CCDC3: variants seen among roughly 807,000 people sequenced by gnomAD.
CCDC3 encodes the protein coiled-coil domain-containing protein 3.
CCDC3 carries 24 observed loss-of-function variants against 21.4 expected under a neutral mutation model. That is an observed-to-expected ratio of 1.12 (90% CI 0.81 to 1.58). The LOEUF is 1.58. Ranked by LOEUF, CCDC3 falls within the 40% of genes most tolerant of loss-of-function variation. The pLI is 0.00. For synonymous variants in CCDC3, 186 were observed against 166.0 expected (o/e 1.12, Z -0.93); for missense variants, 425 against 360.9 (o/e 1.18, Z -1.44).
At chr10:13,036,791 T>C (rs960508582) in intron 5 of CCDC3, among the ~76,000 whole-genome samples, 3 of 145,310 alleles carry the variant, frequency 2.1e-5, no homozygotes, top group Non-Finnish European at 4.6e-5. Flanking sequence ...GGCTCTTATG[T>C]ACATTTTTTT....
intron 3 of CCDC3, among the ~76,000 whole-genome samples, chr10:13,076,671 T>C (rs185355569): frequency 4.7e-4 from 72 of 152,354 alleles, no homozygotes; most frequent in Admixed American, 4.1e-3. Context: ...AACCAAGATA[T>C]CTGTGCTGGA....
chr10:12,978,302 C>T lies in CCDC3; in HGVS notation c.549+20036G>A, dbSNP rs909635764. On this transcript the variant is annotated intron_variant, in intron 2 of 2. Coordinates refer to ENST00000378825, the MANE Select transcript of CCDC3 (RefSeq NM_031455.4). The stretch of plus-strand genomic sequence containing the variant: ...CCAAAGTGCTGGGACTACAGGCATG[C>T]GCCACCGCACCTGGCCATATTTTCC... 2.4e-4 allele frequency among the ~76,000 whole-genome samples: 37 copies of T among 152,066 alleles called. 1 individual carries two copies. Among genetic ancestry groups the T allele is most frequent in the South Asian group, 2.1e-4 (1 of 4,820 alleles).
intron 2 of CCDC3, among the ~76,000 whole-genome samples, chr10:12,977,676 C>T (rs1835436994): frequency 6.6e-6 from 1 of 152,188 alleles, no homozygotes; most frequent in Admixed American, 6.5e-5. Flanking sequence ...CTCACAGGAC[C>T]TTTCCAACAG....
chr10:13,069,072 A>G (rs866303310), intron 4 of CCDC3, among the ~76,000 whole-genome samples: 2 of 152,266 alleles, frequency 1.3e-5, no homozygotes, highest in South Asian at 4.1e-4. Flanking sequence ...CCTGACCAAC[A>G]TGGAGAAACT....
chr10:13,050,395 G>A (rs565077610), intron 4 of CCDC3, among the ~76,000 whole-genome samples: 5 of 152,038 alleles, frequency 3.3e-5, no homozygotes, highest in South Asian at 4.2e-4. Flanking sequence ...CTGAGGCCAT[G>A]GGCCAGGGCT....
intron 2 of CCDC3, among the ~76,000 whole-genome samples, chr10:12,983,668 C>CAA (rs34200519): frequency 1.7e-4 from 23 of 134,940 alleles, no homozygotes; most frequent in African/African-American, 2.7e-4. Flanking sequence ...AAAGAAGTGG[C>CAA]AAAAAAAAAA....
chr10:13,050,275 G>C (rs545105681), intron 4 of CCDC3, among the ~76,000 whole-genome samples: 1 of 152,076 alleles, frequency 6.6e-6, no homozygotes, highest in African/African-American at 2.4e-5. Flanking sequence ...GCACAAGGAA[G>C]GCAGGCTTTC....
chr10:12,932,828 C>G (rs933086549), intron 2 of CCDC3, among the ~76,000 whole-genome samples: 1 of 152,176 alleles, frequency 6.6e-6, no homozygotes, highest in Non-Finnish European at 1.5e-5. Flanking sequence ...GAAGTTGAGA[C>G]AGTTCCCCTC....
intron 2 of CCDC3, among the ~76,000 whole-genome samples, chr10:12,953,085 T>G (rs892477064): frequency 9.0e-6 from 1 of 110,654 alleles, no homozygotes; most frequent in Admixed American, 9.0e-5. Context: ...GGGTAATTTA[T>G]ACAGGAAAAA....
chr10:13,045,809 G>A (rs1447743712), intron 5 of CCDC3, among the ~76,000 whole-genome samples: 1 of 152,102 alleles, frequency 6.6e-6, no homozygotes, highest in Non-Finnish European at 1.5e-5. Flanking sequence ...GTATATAAGC[G>A]GCCAGGAGCA....
At chr10:13,072,008 C>A (rs894032149) in intron 4 of CCDC3, among the ~76,000 whole-genome samples, 1 of 152,064 alleles carries the variant, frequency 6.6e-6, no homozygotes, top group African/African-American at 2.4e-5. Flanking sequence ...AGAAGGGAAC[C>A]CAGAAGTCCA....
intron 2 of CCDC3, among the ~76,000 whole-genome samples, chr10:12,930,976 C>T (rs1163807471): frequency 3.3e-5 from 5 of 151,978 alleles, no homozygotes; most frequent in East Asian, 1.9e-4. Context: ...TTTGGGAGGC[C>T]GAGACGGGAG....
upstream of CCDC3, among the ~76,000 whole-genome samples, chr10:13,006,453 A>G (rs552165541): frequency 1.3e-5 from 2 of 152,302 alleles, no homozygotes; most frequent in African/African-American, 2.4e-5. Flanking sequence ...GCACAGCCCA[A>G]CTGATGAGTT....
intron 5 of CCDC3, among the ~76,000 whole-genome samples, chr10:13,045,695 CT>C (rs1351937102): frequency 1.3e-5 from 2 of 152,194 alleles, no homozygotes; most frequent in African/African-American, 4.8e-5. Context: ...CTTCATTCCA[CT>C]TCTTACTAAA....
chr10:12,969,457 C>T (rs1264961035), intron 2 of CCDC3, among the ~76,000 whole-genome samples: 2 of 147,060 alleles, frequency 1.4e-5, no homozygotes, highest in Non-Finnish European at 3.0e-5. Context: ...TATAACAACA[C>T]ACACCCACAA....
intron 2 of CCDC3, among the ~76,000 whole-genome samples, chr10:12,922,421 G>A (rs774700550): frequency 6.6e-6 from 1 of 152,040 alleles, no homozygotes; most frequent in African/African-American, 2.4e-5. Context: ...AGTTAGAATT[G>A]GCCCAGCACC....
rs186590087 is a variant in CCDC3, at chr10:12,900,408, G to T, written c.550-1729C>A. ...CCATCATTGAGCCGGGCTGGGTGTG[G>T]TGGCTCACGCCTGTAATCCCAGCAC... is the stretch of plus-strand genomic sequence containing the variant. On this transcript the variant is annotated intron_variant, in intron 2 of 2. Transcript: ENST00000378825. Among the ~76,000 whole-genome samples the T allele has an allele frequency of 4.4e-3, 669 of 151,616 alleles. 4 individuals carry two copies. The highest frequency in any genetic ancestry group is 8.2e-3 in the Non-Finnish European group (558 of 67,874).
intron 2 of CCDC3, among the ~76,000 whole-genome samples, chr10:12,961,056 G>A (rs567946679): frequency 2.6e-5 from 4 of 152,262 alleles, no homozygotes; most frequent in South Asian, 2.1e-4. Context: ...CTTTCCCTTC[G>A]CAACCTGGAT....
At chr10:13,082,373 T>C (rs1837052725) in intron 3 of CCDC3, among the ~76,000 whole-genome samples, 1 of 152,202 alleles carries the variant, frequency 6.6e-6, no homozygotes, top group South Asian at 2.1e-4. Flanking sequence ...ATCAGAGACT[T>C]TTAGTACTTT....
Sources: allele counts gnomAD v4.1 joint callset (sites outside exome capture counted in the v4.1 genomes callset), GRCh38; gene constraint gnomAD v4.1.1; transcripts MANE v1.5; gene names NCBI Gene and HGNC (gene_info 2026-07-23, HGNC 2026-07-21).